The following XKR4 variants were observed in gnomAD, a reference collection of about 807,000 sequenced individuals.
XKR4 encodes the protein XK related 4, also known as XK-related protein 4.
A neutral mutation model predicts 53.9 loss-of-function variants in XKR4; 12 were observed. The ratio of observed to expected loss-of-function variants is 0.22; its 90% CI spans 0.14 to 0.36. The LOEUF (loss-of-function observed/expected upper bound fraction) is 0.36, where lower values mean the gene tolerates loss of function less well. XKR4 is among the 10% of genes least tolerant of loss of function. XKR4 has a pLI of 1.00. For synonymous variants in XKR4, 354 were observed against 362.4 expected (o/e 0.98, Z 0.26); for missense variants, 799 against 859.5 (o/e 0.93, Z 0.88).
intron 2 of XKR4, among the ~76,000 whole-genome samples, chr8:55,418,500 C>G (rs886524099): frequency 1.3e-5 from 2 of 152,208 alleles, no homozygotes; most frequent in African/African-American, 4.8e-5. Flanking sequence ...GTCTCACCCC[C>G]TCCGCTGCCC....
intron 1 of XKR4, among the ~76,000 whole-genome samples, chr8:55,324,089 T>C (rs1803257659): frequency 6.6e-6 from 1 of 152,156 alleles, no homozygotes; most frequent in Admixed American, 6.6e-5. Flanking sequence ...TATCTTAGGG[T>C]TGACATTTTT....
At chr8:55,406,278 C>A (rs1196027410) in intron 2 of XKR4, among the ~76,000 whole-genome samples, 1 of 152,184 alleles carries the variant, frequency 6.6e-6, no homozygotes, top group Non-Finnish European at 1.5e-5. Context: ...TTTCTTCCAG[C>A]CTTTCCATTC....
chr8:55,533,220 C>T lies in XKR4; in HGVS notation c.*8993C>T, dbSNP rs1806979517. ...AAATGAGCACTTTGTGTGTTGAGCG[C>T]TGTTGCATTCACTTAGCAATTAACC... On this transcript the variant is annotated 3_prime_UTR_variant, in exon 3 of 3. Transcript: ENST00000327381. The T allele has an allele frequency of 1.3e-5, 2 of 152,274 alleles. No individual in the cohort carries two copies. Among genetic ancestry groups the T allele is most frequent in the Non-Finnish European group, 2.9e-5 (2 of 68,022 alleles). The allele number at this position is 152,274 out of a possible 1,614,324, so 9.4% of individuals were successfully genotyped here.
At chr8:55,373,959 C>G (rs961707224) in intron 2 of XKR4, among the ~76,000 whole-genome samples, 3 of 152,090 alleles carry the variant, frequency 2.0e-5, no homozygotes, top group African/African-American at 7.2e-5. Context: ...GAGGGGAGAT[C>G]AGATAAGAGC....
chr8:55,301,771 T>A (rs918983473), intron 1 of XKR4, among the ~76,000 whole-genome samples: 2 of 152,234 alleles, frequency 1.3e-5, no homozygotes, highest in Non-Finnish European at 2.9e-5. Flanking sequence ...TTTTCATGTG[T>A]CTTTTGGCTG....
intron 2 of XKR4, among the ~76,000 whole-genome samples, chr8:55,384,942 C>A (rs1804287981): frequency 6.6e-6 from 1 of 152,162 alleles, no homozygotes; most frequent in South Asian, 2.1e-4. Context: ...AGCAGGGACT[C>A]CTCTTTGAGA....
At chr8:55,235,763 T>G (rs950190777) in intron 1 of XKR4, among the ~76,000 whole-genome samples, 5 of 152,110 alleles carry the variant, frequency 3.3e-5, no homozygotes, top group South Asian at 4.2e-4. Flanking sequence ...GCCAAACCAG[T>G]GCCCAGCCTG....
chr8:55,361,569 C>T (rs979532037), intron 2 of XKR4, among the ~76,000 whole-genome samples: 6 of 152,028 alleles, frequency 3.9e-5, no homozygotes, highest in South Asian at 2.1e-4. Context: ...TGTGGATAGC[C>T]CACAGCTTCA....
At position 55,102,078 on chromosome 8, in the gene XKR4, G is replaced by C. The variant is rs1314403109; in HGVS notation, c.-411G>C. Among the ~76,000 whole-genome samples, 1 of 151,600 alleles carries C rather than the reference G, an allele frequency of 6.6e-6. No homozygotes were observed. The highest frequency in any genetic ancestry group is 2.1e-4 in the South Asian group (1 of 4,820). On this transcript the variant is annotated 5_prime_UTR_variant, in exon 1 of 3. Coordinates refer to ENST00000327381, the MANE Select transcript of XKR4 (RefSeq NM_052898.2). The surrounding 1 kb of genome is among the most constrained non-coding windows in gnomAD (Gnocchi z 5.1). Reference sequence around the variant, plus strand: ...GGAGGAGAGGAAGCGGGAGGAGGGAGCGCGCGCGAGGGGAGGAGAGGAATG... The same window carrying C: ...GGAGGAGAGGAAGCGGGAGGAGGGACCGCGCGCGAGGGGAGGAGAGGAATG...
intron 2 of XKR4, among the ~76,000 whole-genome samples, chr8:55,475,579 CTTATTTATTTAT>C (rs60244265): frequency 3.1e-4 from 43 of 137,452 alleles, no homozygotes; most frequent in Admixed American, 7.9e-4. Flanking sequence ...ACCATGCTCA[CTTATTTATTTAT>C]TTATTTATTT....
chr8:55,247,529 G>A (rs536365681), intron 1 of XKR4, among the ~76,000 whole-genome samples: 48 of 152,188 alleles, frequency 3.2e-4, no homozygotes, highest in Middle Eastern at 3.4e-3. Context: ...ACTTATTTGA[G>A]CCCATATGAC....
chr8:55,200,488 T>C (rs1014405558), intron 1 of XKR4, among the ~76,000 whole-genome samples: 3 of 152,256 alleles, frequency 2.0e-5, no homozygotes, highest in African/African-American at 7.2e-5. Flanking sequence ...ATCCTACAAT[T>C]TATACTTCAT....
At chr8:55,242,073 A>G (rs1351927125) in intron 1 of XKR4, among the ~76,000 whole-genome samples, 1 of 152,226 alleles carries the variant, frequency 6.6e-6, no homozygotes, top group African/African-American at 2.4e-5. Flanking sequence ...GTGCCAGAAG[A>G]TTTTACCTAT....
At chr8:55,291,961 A>G (rs928796092) in intron 1 of XKR4, among the ~76,000 whole-genome samples, 14 of 152,138 alleles carry the variant, frequency 9.2e-5, no homozygotes, top group Non-Finnish European at 1.8e-4. Context: ...TTCTTCCTTC[A>G]TGGCCTATTA....
At chr8:55,348,171 C>T (rs533122571) in intron 1 of XKR4, among the ~76,000 whole-genome samples, 22 of 152,226 alleles carry the variant, frequency 1.4e-4, no homozygotes, top group African/African-American at 4.6e-4. Context: ...AACACCATGC[C>T]GGATAACATG....
chr8:55,460,590 G>A (rs560026418), intron 2 of XKR4, among the ~76,000 whole-genome samples: 103 of 152,328 alleles, frequency 6.8e-4, no homozygotes, highest in African/African-American at 2.4e-3. Context: ...ATTTCCAACT[G>A]AGGTATCGGG....
chr8:55,479,215 C>T (rs1372442397), intron 2 of XKR4, among the ~76,000 whole-genome samples: 1 of 152,052 alleles, frequency 6.6e-6, no homozygotes, highest in East Asian at 1.9e-4. Context: ...GACCACAGTG[C>T]AATCAAACTA....
intron 2 of XKR4, chr8:55,450,033 G>T: frequency 1.3e-6 from 1 of 784,756 alleles, no homozygotes; most frequent in Non-Finnish European, 2.2e-6. Flanking sequence ...CTAGGAGGGA[G>T]CTAGGGGTGC....
intron 1 of XKR4, among the ~76,000 whole-genome samples, chr8:55,251,349 G>A (rs1161213149): frequency 6.6e-6 from 1 of 152,218 alleles, no homozygotes; most frequent in Non-Finnish European, 1.5e-5. Flanking sequence ...AACGGAGTCA[G>A]AGACAGCTTT....
Sources: allele counts gnomAD v4.1 joint callset (sites outside exome capture counted in the v4.1 genomes callset), GRCh38; gene constraint gnomAD v4.1.1; non-coding constraint Gnocchi (gnomAD v3.1); transcripts MANE v1.5; gene names NCBI Gene and HGNC (gene_info 2026-07-23, HGNC 2026-07-21).